The following NEBL variants were observed in gnomAD, a reference collection of about 807,000 sequenced individuals.
NEBL encodes the protein LIM and SH3 protein 2.
Under a neutral mutation model 140.2 loss-of-function variants are expected in NEBL, and 122 were observed. The observed-to-expected ratio is 0.87, with a 90% CI of 0.75 to 1.01. The LOEUF (loss-of-function observed/expected upper bound fraction) is 1.01. Ranked by LOEUF, NEBL falls within the 50% of genes least tolerant of loss-of-function variation. The pLI is 0.00. For synonymous variants in NEBL, 436 were observed against 398.9 expected (o/e 1.09, Z -1.11); for missense variants, 1,365 against 1,231.3 (o/e 1.11, Z -1.62).
At chr10:20,792,976 G>A (rs925277008) in intron 26 of NEBL, among the ~76,000 whole-genome samples, 3 of 152,106 alleles carry the variant, frequency 2.0e-5, no homozygotes, top group Non-Finnish European at 4.4e-5. Context: ...CAAGACATAA[G>A]TGGGAGTTAA....
chr10:21,261,795 C>T (rs1278967179), intron 1 of NEBL, among the ~76,000 whole-genome samples: 1 of 152,124 alleles, frequency 6.6e-6, no homozygotes. Context: ...ATCTCCCTAC[C>T]TTTAAAATAA....
At chr10:20,788,472 ACAT>A (rs1354620386) in intron 26 of NEBL, among the ~76,000 whole-genome samples, 1 of 152,174 alleles carries the variant, frequency 6.6e-6, no homozygotes, top group Non-Finnish European at 1.5e-5. Context: ...ATAAGTGAGA[ACAT>A]CAATACTTTA....
intron 7 of NEBL, among the ~76,000 whole-genome samples, chr10:20,862,366 T>A (rs77679113): frequency 1.3e-5 from 2 of 152,098 alleles, no homozygotes; most frequent in Non-Finnish European, 2.9e-5. Flanking sequence ...AATAGTAACA[T>A]AACTACATTA....
At position 20,785,941 on chromosome 10, in the gene NEBL, G is replaced by A; in HGVS notation, c.2869-18C>T. On this transcript the variant is annotated intron_variant, in intron 27 of 27. Transcript: ENST00000377122. Reference sequence around the variant, plus strand: ...TAGGTCCTCTGAGAAAGGAAGAAGGGATTATACGATGAATGCCGAAATAGC... The same window carrying A: ...TAGGTCCTCTGAGAAAGGAAGAAGGAATTATACGATGAATGCCGAAATAGC... The A allele has an allele frequency of 6.2e-7, 1 of 1,611,678 alleles. No individual in the cohort carries two copies. The highest frequency in any genetic ancestry group is 8.5e-7 in the Non-Finnish European group (1 of 1,177,994).
intron 2 of NEBL, among the ~76,000 whole-genome samples, chr10:21,135,154 G>A (rs988967324): frequency 2.6e-5 from 4 of 152,184 alleles, no homozygotes; most frequent in African/African-American, 9.7e-5. Flanking sequence ...CAAGCTGAGA[G>A]GAAAACAGCC....
chr10:20,931,960 C>T (rs1258981944), intron 4 of NEBL, among the ~76,000 whole-genome samples: 1 of 152,196 alleles, frequency 6.6e-6, no homozygotes, highest in African/African-American at 2.4e-5. Context: ...TGTATTCCTT[C>T]CCTGGTCTTC....
intron 4 of NEBL, among the ~76,000 whole-genome samples, chr10:20,936,152 C>T (rs1834472774): frequency 6.6e-6 from 1 of 152,122 alleles, no homozygotes; most frequent in South Asian, 2.1e-4. Context: ...AACAAAACTA[C>T]CAATTATTAA....
intron 13 of NEBL, among the ~76,000 whole-genome samples, chr10:20,837,874 G>A (rs947527442): frequency 5.3e-5 from 8 of 152,166 alleles, no homozygotes; most frequent in African/African-American, 1.4e-4. Context: ...AAGCCTGGAT[G>A]ACAGCACATT....
chr10:20,868,823 T>G, intron 6 of NEBL, 58 bp from the exon 7 acceptor site: 1 of 1,147,476 alleles, frequency 8.7e-7, no homozygotes, highest in Non-Finnish European at 1.3e-6. Flanking sequence ...ATGAACTACA[T>G]TGACATTAGC....
chr10:21,283,132 TC>T (rs920253184), intron 1 of NEBL, among the ~76,000 whole-genome samples: 13 of 66,280 alleles, frequency 2.0e-4, no homozygotes, highest in African/African-American at 5.6e-4. Flanking sequence ...CAAGACTGTG[TC>T]TCAAAAAAAA....
intron 2 of NEBL, among the ~76,000 whole-genome samples, chr10:21,094,684 G>T (rs1837098823): frequency 6.6e-6 from 1 of 152,042 alleles, no homozygotes; most frequent in Non-Finnish European, 1.5e-5. Context: ...AACAAAAAAG[G>T]CTAAAGAAGA....
chr10:20,805,640 A>T (rs1837543815), intron 26 of NEBL, among the ~76,000 whole-genome samples: 1 of 152,002 alleles, frequency 6.6e-6, no homozygotes, highest in African/African-American at 2.4e-5. Flanking sequence ...AGCACTTGAG[A>T]TCTGGAGTTC....
At chr10:21,153,343 T>C (rs2132132683) in intron 2 of NEBL, among the ~76,000 whole-genome samples, 2 of 151,194 alleles carry the variant, frequency 1.3e-5, no homozygotes, top group East Asian at 3.9e-4. Context: ...TTTTTTAAGA[T>C]GGAGTTTTGC....
At chr10:21,193,223 G>C (rs1428575977) in intron 3 of NEBL, among the ~76,000 whole-genome samples, 1 of 152,170 alleles carries the variant, frequency 6.6e-6, no homozygotes, top group Non-Finnish European at 1.5e-5. Context: ...ACGTGGGTGA[G>C]CACCTGGAGA....
intron 2 of NEBL, among the ~76,000 whole-genome samples, chr10:21,250,241 T>A (rs1004677695): frequency 6.6e-6 from 1 of 152,082 alleles, no homozygotes; most frequent in African/African-American, 2.4e-5. Context: ...TTAATCTGAG[T>A]GGGCACCATC....
intron 2 of NEBL, chr10:21,029,988 G>A (rs1443857332): frequency 4.3e-6 from 2 of 469,512 alleles, no homozygotes; most frequent in African/African-American, 2.3e-5. Context: ...GACGTCCCCC[G>A]TCCCCCTCAA....
intron 4 of NEBL, among the ~76,000 whole-genome samples, chr10:20,944,122 G>C (rs957857087): frequency 1.3e-5 from 2 of 152,192 alleles, no homozygotes; most frequent in African/African-American, 4.8e-5. Flanking sequence ...ATATAGGCCG[G>C]GCGCAGTGGC....
At chr10:20,944,132 C>T (rs1204260811) in intron 4 of NEBL, among the ~76,000 whole-genome samples, 1 of 152,206 alleles carries the variant, frequency 6.6e-6, no homozygotes, top group Non-Finnish European at 1.5e-5. Context: ...GGCGCAGTGG[C>T]TCAATGCCTG....
rs780036701 is a variant in NEBL, at chr10:20,869,826, C to T, written c.496G>A (p.Asp166Asn). Residue 166 changes from aspartate to asparagine, a missense_variant, in exon 6 of 28, where the codon GAC (aspartate) becomes AAC (asparagine). Transcript: ENST00000377122. ...CTGTACGTGTGGGTGTCCTGCACGT[C>T]TTTCCTATAAGAAATCTGATCAGAG... ...KHQSNISYRKDVQDTHTYSAE... is the reference protein window; with the variant it reads ...KHQSNISYRKNVQDTHTYSAE... The T allele has an allele frequency of 1.9e-6, 3 of 1,610,686 alleles. No individual in the cohort carries two copies. The highest frequency in any genetic ancestry group is 1.3e-5 in the African/African-American group (1 of 74,814).
Sources: gnomAD v4.1 joint callset for allele counts (sites outside exome capture counted in the v4.1 genomes callset) on GRCh38, gnomAD v4.1.1 for gene constraint, MANE v1.5 for transcripts, NCBI Gene and HGNC (gene_info 2026-07-23, HGNC 2026-07-21) for gene names.